FUT9: variants seen among roughly 807,000 people sequenced by gnomAD.
FUT9 encodes 4-galactosyl-N-acetylglucosaminide 3-alpha-L-fucosyltransferase 9.
Under a neutral mutation model 29.7 loss-of-function variants are expected in FUT9, and 15 were observed. That is an observed-to-expected ratio of 0.51 (90% CI 0.34 to 0.78). The LOEUF (loss-of-function observed/expected upper bound fraction) is 0.78. Ranked by LOEUF, FUT9 falls within the 30% of genes least tolerant of loss-of-function variation. The pLI, the probability that FUT9 is intolerant of heterozygous loss-of-function variation, is 0.01. For missense variants in FUT9, 319 were observed against 425.4 expected, an observed-to-expected ratio of 0.75 and a Z score of 2.20; for synonymous variants, 169 against 153.7, an observed-to-expected ratio of 1.10 and a Z score of -0.74.
rs924681695 is a variant in FUT9 at position 96,198,851 on chromosome 6, C to T, written c.-8-4297C>T. Among the ~76,000 whole-genome samples the T allele has an allele frequency of 3.3e-5, 5 of 152,190 alleles. No homozygotes were observed. The South Asian group carries it at 1.0e-3, about 32-fold the overall frequency. On this transcript the variant is annotated intron_variant, in intron 2 of 2. Transcript: ENST00000302103. Reference sequence around the variant, plus strand: ...GGTATCTCATTGTGGTTTTGATTTGCATTTCTCTGATGGTCAGTGATGGTG... The same window carrying T: ...GGTATCTCATTGTGGTTTTGATTTGTATTTCTCTGATGGTCAGTGATGGTG...
chr6:96,032,922 G>A (rs1364791307), intron 1 of FUT9, among the ~76,000 whole-genome samples: 1 of 151,574 alleles, frequency 6.6e-6, no homozygotes, highest in African/African-American at 2.4e-5. Flanking sequence ...TGTTATTAGA[G>A]CAATTGTAAG....
intron 2 of FUT9, among the ~76,000 whole-genome samples, chr6:96,170,236 G>A (rs2127982741): frequency 6.6e-6 from 1 of 152,132 alleles, no homozygotes; most frequent in Admixed American, 6.5e-5. Context: ...AATATCATGA[G>A]GTTGCTAAGT....
At chr6:96,069,275 C>T (rs1301102505) in intron 1 of FUT9, among the ~76,000 whole-genome samples, 3 of 151,416 alleles carry the variant, frequency 2.0e-5, no homozygotes, top group African/African-American at 2.4e-5. Context: ...GAGCCGAGAT[C>T]GCGCCACTGA....
intron 1 of FUT9, among the ~76,000 whole-genome samples, chr6:96,056,812 T>G (rs1296252002): frequency 6.6e-6 from 1 of 152,174 alleles, no homozygotes; most frequent in African/African-American, 2.4e-5. Context: ...CTGAATACGA[T>G]AATTATGTCT....
chr6:96,106,320 A>T (rs1284420005), intron 1 of FUT9, among the ~76,000 whole-genome samples: 1 of 151,852 alleles, frequency 6.6e-6, no homozygotes, highest in Non-Finnish European at 1.5e-5. Flanking sequence ...GCAACAGCAT[A>T]TCAAAACCCT....
chr6:96,154,826 C>A (rs1405397213), intron 2 of FUT9, among the ~76,000 whole-genome samples: 1 of 152,174 alleles, frequency 6.6e-6, no homozygotes. Flanking sequence ...TTCATGTGAA[C>A]ACTTCTGAAC....
At chr6:96,100,211 T>C (rs569491737) in intron 1 of FUT9, among the ~76,000 whole-genome samples, 141 of 150,290 alleles carry the variant, frequency 9.4e-4, no homozygotes, top group African/African-American at 3.3e-3. Flanking sequence ...TTACTTGGAA[T>C]TTAACACACA....
intron 1 of FUT9, among the ~76,000 whole-genome samples, chr6:96,075,124 ATG>A (rs1771122713): frequency 6.6e-6 from 1 of 151,826 alleles, no homozygotes; most frequent in Admixed American, 6.6e-5. Flanking sequence ...TATTATATAG[ATG>A]TGTGTGTGCG....
At chr6:96,167,843 T>C (rs1352441124) in intron 2 of FUT9, among the ~76,000 whole-genome samples, 1 of 152,114 alleles carries the variant, frequency 6.6e-6, no homozygotes, top group Non-Finnish European at 1.5e-5. Context: ...AGAGTGCTAC[T>C]GTGCTCAAGA....
chr6:96,095,288 A>T (rs937933109), intron 1 of FUT9, among the ~76,000 whole-genome samples: 3 of 152,080 alleles, frequency 2.0e-5, no homozygotes, highest in African/African-American at 7.2e-5. Flanking sequence ...TACAATAATT[A>T]CTTATTATTA....
At chr6:96,162,145 G>T (rs968829329) in intron 2 of FUT9, among the ~76,000 whole-genome samples, 5 of 152,062 alleles carry the variant, frequency 3.3e-5, no homozygotes, top group African/African-American at 1.2e-4. Context: ...AATTCTGTCT[G>T]TTAATTCCAA....
Position 96,105,860 on chromosome 6 carries a change from T to C in FUT9, c.-97-8179T>C, listed in dbSNP as rs1250865127. Among the ~76,000 whole-genome samples the C allele has an allele frequency of 2.0e-5, 3 of 152,212 alleles. No individual in the cohort carries two copies. In the South Asian group the frequency reaches 6.2e-4, roughly 31 times the overall value. ...TTCAGGATCTTACCCGTACCTATTATCAGCATCTCTGGAAATATACTTCAT... is the reference window on the plus strand; with the variant it reads ...TTCAGGATCTTACCCGTACCTATTACCAGCATCTCTGGAAATATACTTCAT... On this transcript the variant is annotated intron_variant, in intron 1 of 2. Coordinates refer to ENST00000302103, the MANE Select transcript of FUT9 (RefSeq NM_006581.4).
intron 1 of FUT9, among the ~76,000 whole-genome samples, chr6:96,029,380 G>T (rs1412220127): frequency 6.6e-6 from 1 of 151,434 alleles, no homozygotes; most frequent in Admixed American, 6.6e-5. Flanking sequence ...GGGACAGGAG[G>T]GAGCCTCTTG....
At chr6:96,018,092 G>T (rs879341894) in intron 1 of FUT9, among the ~76,000 whole-genome samples, 4 of 152,022 alleles carry the variant, frequency 2.6e-5, no homozygotes, top group African/African-American at 4.8e-5. Context: ...AAGTCAAGAG[G>T]GGCTGTGAAT....
chr6:96,171,469 A>C (rs1245462187), intron 2 of FUT9, among the ~76,000 whole-genome samples: 1 of 151,666 alleles, frequency 6.6e-6, no homozygotes, highest in African/African-American at 2.4e-5. Flanking sequence ...TGGAGTTCCC[A>C]GTAAGGCTTA....
intron 2 of FUT9, among the ~76,000 whole-genome samples, chr6:96,149,158 A>AG (rs1313999688): frequency 5.6e-5 from 2 of 35,932 alleles, no homozygotes; most frequent in African/African-American, 8.4e-5. Flanking sequence ...GTGAGACTCC[A>AG]AAAAAAAAAA....
chr6:96,113,187 A>G (rs1771843326), intron 1 of FUT9, among the ~76,000 whole-genome samples: 1 of 152,118 alleles, frequency 6.6e-6, no homozygotes, highest in East Asian at 1.9e-4. Flanking sequence ...AACCTAGAAC[A>G]TTCATTCTTT....
intron 1 of FUT9, among the ~76,000 whole-genome samples, chr6:96,074,356 T>A (rs967523555): frequency 6.6e-6 from 1 of 152,198 alleles, no homozygotes; most frequent in African/African-American, 2.4e-5. Context: ...CAGTCATTTC[T>A]TGGGAAGAAA....
rs1045857974 is a variant in FUT9, at chr6:96,206,366, A to G, written c.*2131A>G. On this transcript the variant is annotated 3_prime_UTR_variant, in exon 3 of 3. Transcript: ENST00000302103. ...TAATTGGTAAGACAGTCAAATTCAT[A>G]CATTTACATTTACTTTGTCAAATTT... is the stretch of plus-strand genomic sequence containing the variant. The G allele has an allele frequency of 6.0e-6, 1 of 167,102 alleles. No homozygotes were observed. Among genetic ancestry groups the G allele is most frequent in the Non-Finnish European group, 1.5e-5 (1 of 68,120 alleles). 10.4% of individuals were successfully genotyped at this position (167,102 alleles called of 1,614,324 possible).
Sources: allele counts gnomAD v4.1 joint callset (sites outside exome capture counted in the v4.1 genomes callset), GRCh38; gene constraint gnomAD v4.1.1; transcripts MANE v1.5; gene names NCBI Gene and HGNC (gene_info 2026-07-23, HGNC 2026-07-21).